Variants in RANBP2 observed in about 807,000 individuals in gnomAD.
RANBP2 encodes RAN binding protein 2, also known as E3 SUMO-protein ligase RanBP2.
In RANBP2, 57 loss-of-function variants were observed where a neutral mutation model predicts 303.6. The observed-to-expected ratio is 0.19, with a 90% CI of 0.15 to 0.23. The LOEUF (loss-of-function observed/expected upper bound fraction) is 0.23. Ranked by LOEUF, RANBP2 falls within the 10% of genes least tolerant of loss-of-function variation. The probability of loss-of-function intolerance (pLI) is 1.00; values close to 1 mark genes in which losing one functional copy is unlikely to be tolerated. For synonymous variants in RANBP2, 1,167 were observed against 1,301.5 expected (o/e 0.90, Z 2.23); for missense variants, 3,138 against 3,780.8 (o/e 0.83, Z 4.46).
chr2:109,649,281 G>A, the RANBP2 span, among the ~76,000 whole-genome samples: 8 of 152,160 alleles, frequency 5.3e-5, no homozygotes, highest in African/African-American at 1.7e-4. Flanking sequence ...TAAAGTCCTG[G>A]AGACTAAATG....
chr2:108,913,985 G>T, the RANBP2 span, among the ~76,000 whole-genome samples: 2 of 150,154 alleles, frequency 1.3e-5, no homozygotes, highest in Non-Finnish European at 3.0e-5. Context: ...AAGGGGCCGG[G>T]CGCGGTAGCT....
the RANBP2 span, among the ~76,000 whole-genome samples, chr2:109,006,661 C>G: frequency 6.6e-6 from 1 of 152,140 alleles, no homozygotes; most frequent in Non-Finnish European, 1.5e-5. Context: ...AAGACTAAAT[C>G]CCCGAAGTCC....
the RANBP2 span, chr2:109,616,985 T>C: frequency 1.2e-5 from 2 of 166,966 alleles, no homozygotes; most frequent in Non-Finnish European, 2.9e-5. Flanking sequence ...CCCTATTTAA[T>C]GGTGCTTAGA....
the RANBP2 span, among the ~76,000 whole-genome samples, chr2:108,966,912 C>T: frequency 6.6e-6 from 1 of 152,110 alleles, no homozygotes; most frequent in Non-Finnish European, 1.5e-5. Flanking sequence ...GGGGTTTGTC[C>T]CAAAGACCAG....
the RANBP2 span, among the ~76,000 whole-genome samples, chr2:109,295,244 A>G: frequency 6.6e-6 from 1 of 152,066 alleles, no homozygotes; most frequent in Non-Finnish European, 1.5e-5. Context: ...CTTTGCACAC[A>G]CTCCCTCGCT....
At chr2:109,376,761 CA>C in the RANBP2 span, among the ~76,000 whole-genome samples, 1 of 152,248 alleles carries the variant, frequency 6.6e-6, no homozygotes, top group Admixed American at 6.5e-5. Context: ...GGTAGACCCT[CA>C]TGCCCTCACC....
chr2:109,037,463 A>G, the RANBP2 span, among the ~76,000 whole-genome samples: 2 of 152,206 alleles, frequency 1.3e-5, no homozygotes, highest in Non-Finnish European at 2.9e-5. Flanking sequence ...GACCACTGAA[A>G]TAAGACAAGA....
the RANBP2 span, among the ~76,000 whole-genome samples, chr2:109,559,875 C>G: frequency 3.3e-4 from 49 of 149,818 alleles, no homozygotes; most frequent in Non-Finnish European, 5.6e-4. Context: ...CCCTTCAAAT[C>G]TGCAAGTCCA....
At chr2:109,670,606 C>G in the RANBP2 span, among the ~76,000 whole-genome samples, 2 of 152,294 alleles carry the variant, frequency 1.3e-5, no homozygotes, top group East Asian at 3.9e-4. Flanking sequence ...TCTCCCCAGA[C>G]TCCAAACTCT....
chr2:108,935,079 G>A, the RANBP2 span, among the ~76,000 whole-genome samples: 67 of 152,190 alleles, frequency 4.4e-4, no homozygotes, highest in Non-Finnish European at 7.5e-4. Flanking sequence ...ATAAGAGACC[G>A]CATGACCAGG....
At chr2:109,068,513 C>A in the RANBP2 span, among the ~76,000 whole-genome samples, 1 of 152,204 alleles carries the variant, frequency 6.6e-6, no homozygotes, top group Non-Finnish European at 1.5e-5. Flanking sequence ...AAGTGGGGAA[C>A]GAACAGAGAC....
At chr2:109,044,922 A>G in the RANBP2 span, among the ~76,000 whole-genome samples, 1 of 152,234 alleles carries the variant, frequency 6.6e-6, no homozygotes, top group South Asian at 2.1e-4. Flanking sequence ...AAGTGATTCT[A>G]CTAAAGTCTT....
the RANBP2 span, among the ~76,000 whole-genome samples, chr2:109,134,555 G>A: frequency 0.2 from 30,802 of 152,104 alleles, 3,905 homozygotes; most frequent in Middle Eastern, 0.36. Context: ...AGGGTTGAGC[G>A]GTGTTTTAAG....
chr2:108,800,948 G>A, the RANBP2 span, among the ~76,000 whole-genome samples: 3 of 108,846 alleles, frequency 2.8e-5, no homozygotes, highest in South Asian at 3.4e-4. Context: ...CCCTACAAAG[G>A]ACATAAACTC....
At chr2:109,512,411 T>TG in the RANBP2 span, among the ~76,000 whole-genome samples, 1 of 152,142 alleles carries the variant, frequency 6.6e-6, no homozygotes, top group African/African-American at 2.4e-5. Flanking sequence ...GCCACCCTCC[T>TG]GCCCCCTCCT....
chr2:109,085,343 G>A, the RANBP2 span, among the ~76,000 whole-genome samples: 7 of 152,152 alleles, frequency 4.6e-5, no homozygotes, highest in East Asian at 7.7e-4. Context: ...TTGCTCTGTC[G>A]CCCAGGCTGG....
the RANBP2 span, among the ~76,000 whole-genome samples, chr2:109,306,558 A>G: frequency 6.6e-6 from 1 of 152,206 alleles, no homozygotes; most frequent in African/African-American, 2.4e-5. Context: ...CTCTGACCGT[A>G]CAGTGGCTGG....
chr2:109,177,858 A>G, the RANBP2 span, among the ~76,000 whole-genome samples: 2 of 152,232 alleles, frequency 1.3e-5, no homozygotes, highest in Admixed American at 1.3e-4. Context: ...GTAGGTCAAG[A>G]ACAAGTAAAG....
chr2:108,793,967 C>T, the RANBP2 span, among the ~76,000 whole-genome samples: 1 of 152,058 alleles, frequency 6.6e-6, no homozygotes, highest in South Asian at 2.1e-4. Context: ...TCTGTATAGC[C>T]AAATCAGCTC....
Sources: allele counts gnomAD v4.1 joint callset (sites outside exome capture counted in the v4.1 genomes callset), GRCh38; gene constraint gnomAD v4.1.1; transcripts MANE v1.5; gene names NCBI Gene and HGNC (gene_info 2026-07-23, HGNC 2026-07-21).